Variants in RBP5 observed in about 807,000 individuals in gnomAD.
RBP5 encodes the protein retinol-binding protein 5.
RBP5 carries 12 observed loss-of-function variants against 17.8 expected under a neutral mutation model. That is an observed-to-expected ratio of 0.67 (90% CI 0.43 to 1.09). The LOEUF is 1.09. RBP5 is among the 50% of genes least tolerant of loss of function. The pLI is 0.00. For synonymous variants in RBP5, 64 were observed against 68.1 expected (o/e 0.94, Z 0.30); for missense variants, 172 against 169.4 (o/e 1.02, Z -0.09).
At chr12:7,126,510 G>GGTGTGT (rs780320410) in intron 2 of RBP5, among the ~76,000 whole-genome samples, 97 of 131,098 alleles carry the variant, frequency 7.4e-4, no homozygotes, top group Middle Eastern at 7.7e-3. Flanking sequence ...TGGTGGTGGT[G>GGTGTGT]GTGTGTGTGT....
Position 7,128,525 on chromosome 12 carries a change from T to C in RBP5, c.74-107A>G. 1.6e-6 allele frequency: 2 copies of C among 1,282,180 alleles called. No individual in the cohort carries two copies. Among genetic ancestry groups the C allele is most frequent in the Non-Finnish European group, 2.2e-6 (2 of 901,534 alleles). 79.4% of individuals were successfully genotyped at this position (1,282,180 alleles called of 1,614,324 possible). ...TTTCCCTTCTTTGGGTCTGGGACTG[T>C]GGATTCACCCCCTCCTACCAATGCC... On this transcript the variant is annotated intron_variant, in intron 1 of 3. Coordinates refer to ENST00000266560, the MANE Select transcript of RBP5 (RefSeq NM_031491.4). The surrounding 1 kb of genome is among the most constrained non-coding windows in gnomAD (Gnocchi z 5.3).
chr12:7,120,250 C>T (rs1173790209), downstream of RBP5, among the ~76,000 whole-genome samples: 3 of 151,916 alleles, frequency 2.0e-5, no homozygotes, highest in East Asian at 1.9e-4. Context: ...CGTTTTATAC[C>T]CCCGGTACCT....
rs892977892 is a variant in RBP5, at chr12:7,117,400, G to T, written n.890-93C>A. The stretch of plus-strand genomic sequence containing the variant: ...GACGCTGGTTCTCATAGAAGTAGAT[G>T]TATTATTTTAGTACAATAAGTGCAG... On this transcript the variant is annotated intron_variant and non_coding_transcript_variant, in intron 3 of 3. Transcript: ENST00000619522. The surrounding 1 kb of genome is among the most constrained non-coding windows in gnomAD (Gnocchi z 4.9). 1.3e-5 allele frequency: 2 copies of T among 152,196 alleles called. No individual in the cohort carries two copies. The highest frequency in any genetic ancestry group is 4.8e-5 in the African/African-American group (2 of 41,440). The allele number at this position is 152,196 out of a possible 1,614,324, so 9.4% of individuals were successfully genotyped here. A position where few individuals can be genotyped will look rare whatever the true frequency, so the allele number is the denominator to read the frequency against.
chr12:7,126,702 C>T (rs987120679), intron 2 of RBP5, among the ~76,000 whole-genome samples: 3 of 152,196 alleles, frequency 2.0e-5, no homozygotes, highest in African/African-American at 7.2e-5. Flanking sequence ...TGAATTTGAC[C>T]TTGGCATTCA....
Position 7,124,039 on chromosome 12 carries a change from T to A in RBP5, c.*82A>T. On this transcript the variant is annotated 3_prime_UTR_variant, in exon 4 of 4. Coordinates refer to ENST00000266560, the MANE Select transcript of RBP5 (RefSeq NM_031491.4). This position sits in a 1 kb window ranked among gnomAD's most constrained non-coding sequence, Gnocchi z 5.3. ...TGGCCAGAGGAAGGGACAGCTGACC[T>A]GGCACAATCTGGGCTTGAAGGGGGC... The A allele has an allele frequency of 7.3e-7, 1 of 1,362,820 alleles. No individual in the cohort carries two copies. The highest frequency in any genetic ancestry group is 1.2e-5 in the South Asian group (1 of 86,024). The allele number at this position is 1,362,820 out of a possible 1,614,324, so 84.4% of individuals were successfully genotyped here. A position where few individuals can be genotyped will look rare whatever the true frequency, so the allele number is the denominator to read the frequency against.
At chr12:7,125,189 G>A (rs1939141069) in intron 2 of RBP5, among the ~76,000 whole-genome samples, 1 of 152,192 alleles carries the variant, frequency 6.6e-6, no homozygotes, top group Non-Finnish European at 1.5e-5. Context: ...CTATAGGCAT[G>A]AACCATCACA....
At chr12:7,118,912 A>AGAGGAG (rs758139559), downstream of RBP5, 1 of 153,584 alleles carries the variant, frequency 6.5e-6, no homozygotes, top group Non-Finnish European at 1.5e-5. Flanking sequence ...AAGAAGAAGA[A>AGAGGAG]GAGGAGGAGG....
intron 2 of RBP5, among the ~76,000 whole-genome samples, chr12:7,126,386 G>A (rs956296518): frequency 6.6e-6 from 1 of 152,134 alleles, no homozygotes; most frequent in African/African-American, 2.4e-5. Context: ...ACAGCATCTA[G>A]ATTTGGACTA....
chr12:7,128,344 T>C lies in RBP5; in HGVS notation c.148A>G (p.Met50Val), dbSNP rs963878355. ...DKEIEHQGNH[M>V]TVRTLSTFRN... ...AAGGTGCTGAGCGTCCTCACCGTCA[T>C]GTGGTTGCCCTGGTGTTCGATCTCC... Residue 50 changes from methionine to valine, a missense_variant, in exon 2 of 4, where the codon ATG (methionine) becomes GTG (valine). Physicochemically the swap from Met to Val is conservative, Grantham distance 21. Transcript: ENST00000266560. The surrounding 1 kb of genome is among the most constrained non-coding windows in gnomAD (Gnocchi z 5.3). 8.1e-6 allele frequency: 13 copies of C among 1,614,160 alleles called. No homozygotes were observed. Among genetic ancestry groups the C allele is most frequent in the South Asian group, 1.1e-5 (1 of 91,084 alleles).
At chr12:7,120,463 C>G (rs1229355561), downstream of RBP5, 1 of 155,554 alleles carries the variant, frequency 6.4e-6, no homozygotes, top group South Asian at 2.0e-4. Context: ...TTCTTTCTGT[C>G]CTCCATGCAA....
At position 7,124,970 on chromosome 12, in the gene RBP5, G is replaced by A. The variant is rs774287183; in HGVS notation, c.253-240C>T. Among the ~76,000 whole-genome samples, 9 of 152,054 alleles carry A rather than the reference G, an allele frequency of 5.9e-5. No homozygotes were observed. The highest frequency in any genetic ancestry group is 1.0e-4 in the Non-Finnish European group (7 of 68,004). On this transcript the variant is annotated intron_variant, in intron 2 of 3. Coordinates refer to ENST00000266560, the MANE Select transcript of RBP5 (RefSeq NM_031491.4). The surrounding 1 kb of genome is among the most constrained non-coding windows in gnomAD (Gnocchi z 5.3). ...CACCCAGGCTGGAGTGCAGTGGCAGGATCTCGGCTCACTGCAACCTCTGCC... is the reference window on the plus strand; with the variant it reads ...CACCCAGGCTGGAGTGCAGTGGCAGAATCTCGGCTCACTGCAACCTCTGCC...
chr12:7,126,781 G>A (rs903591271), intron 2 of RBP5, among the ~76,000 whole-genome samples: 1 of 151,984 alleles, frequency 6.6e-6, no homozygotes, highest in African/African-American at 2.4e-5. Flanking sequence ...TATCTGTAGA[G>A]AAACTACATA....
In RBP5 at chr12:7,128,614, G is replaced by C. The variant is rs1259047246; in HGVS notation, c.73+89C>G. 2 of 1,321,016 alleles carry C rather than the reference G, an allele frequency of 1.5e-6. No homozygotes were observed. Among genetic ancestry groups the C allele is most frequent in the Admixed American group, 2.0e-5 (1 of 50,746 alleles). 81.8% of individuals were successfully genotyped at this position (1,321,016 alleles called of 1,614,324 possible). A position where few individuals can be genotyped will look rare whatever the true frequency, so the allele number is the denominator to read the frequency against. On this transcript the variant is annotated intron_variant, in intron 1 of 3. Transcript: ENST00000266560. The surrounding 1 kb of genome is among the most constrained non-coding windows in gnomAD (Gnocchi z 5.3). ...GAGCCTTTCCACAGTGTCCAACCCC[G>C]GGCATTCCCTCTTCTCCATGGGACC...
intron 2 of RBP5, among the ~76,000 whole-genome samples, chr12:7,126,533 G>A (rs903622557): frequency 3.1e-5 from 4 of 129,682 alleles, no homozygotes; most frequent in Middle Eastern, 4.3e-3. Flanking sequence ...GTGTGTGTGT[G>A]TGTGTGTGTG....
chr12:7,128,367 T>A lies in RBP5; in HGVS notation c.125A>T (p.Glu42Val), dbSNP rs1230521881. Reference protein sequence around the residue: ...KIALLLKPDKEIEHQGNHMTV... With the variant: ...KIALLLKPDKVIEHQGNHMTV... ...CATGTGGTTGCCCTGGTGTTCGATC[T>A]CCTTGTCCGGCTTCAGCAGCAGCGC... is the stretch of plus-strand genomic sequence containing the variant. The change falls in exon 2 of 4, where the codon GAG (glutamate) becomes GTG (valine). Residue 42 changes from glutamate to valine, a missense_variant. By Grantham distance (121) the Glu-to-Val change is moderately radical. Coordinates refer to ENST00000266560, the MANE Select transcript of RBP5 (RefSeq NM_031491.4). This position sits in a 1 kb window ranked among gnomAD's most constrained non-coding sequence, Gnocchi z 5.3. The A allele has an allele frequency of 1.2e-6, 2 of 1,614,176 alleles. No individual in the cohort carries two copies. Among genetic ancestry groups the A allele is most frequent in the Admixed American group, 3.3e-5 (2 of 60,020 alleles).
intron 2 of RBP5, among the ~76,000 whole-genome samples, chr12:7,127,184 G>C (rs753373520): frequency 1.9e-4 from 29 of 152,136 alleles, no homozygotes; most frequent in African/African-American, 6.7e-4. Flanking sequence ...AGTAGAGATG[G>C]GGTTTCTCCA....
intron 2 of RBP5, among the ~76,000 whole-genome samples, chr12:7,126,988 ATTTTTTTTTTTT>A (rs35155124): frequency 3.5e-5 from 3 of 86,514 alleles, no homozygotes; most frequent in African/African-American, 9.2e-5. Flanking sequence ...GTACTTTTGT[ATTTTTTTTTTTT>A]TTTTTTTTTG....
intron 2 of RBP5, among the ~76,000 whole-genome samples, chr12:7,126,552 T>TGTGTGC (rs1565645397): frequency 7.0e-6 from 1 of 142,178 alleles, no homozygotes; most frequent in Non-Finnish European, 1.5e-5. Context: ...TGTGTGTGTG[T>TGTGTGC]GTGTGTGCTG....
At chr12:7,121,391 G>A (rs1332379375), downstream of RBP5, among the ~76,000 whole-genome samples, 2 of 152,166 alleles carry the variant, frequency 1.3e-5, no homozygotes, top group South Asian at 2.1e-4. Flanking sequence ...GATTGGACCC[G>A]GGATGGCCTT....
Sources: allele counts gnomAD v4.1 joint callset (sites outside exome capture counted in the v4.1 genomes callset), GRCh38; gene constraint gnomAD v4.1.1; non-coding constraint Gnocchi (gnomAD v3.1); transcripts MANE v1.5; gene names NCBI Gene and HGNC (gene_info 2026-07-23, HGNC 2026-07-21).